TBCA: variants seen among roughly 807,000 people sequenced by gnomAD.
TBCA encodes the protein tubulin-specific chaperone A.
A neutral mutation model predicts 15.8 loss-of-function variants in TBCA; 6 were observed. That is an observed-to-expected ratio of 0.38 (90% CI 0.21 to 0.75). TBCA has a LOEUF of 0.75. TBCA is among the 30% of genes least tolerant of loss of function. The pLI is 0.46. For missense variants in TBCA, 90 were observed against 131.2 expected (o/e 0.69, Z 1.53); for synonymous variants, 32 against 42.3 (o/e 0.76, Z 0.94).
intron 2 of TBCA, among the ~76,000 whole-genome samples, chr5:77,701,602 T>C (rs1746015351): frequency 6.7e-6 from 1 of 149,666 alleles, no homozygotes; most frequent in African/African-American, 2.5e-5. Context: ...CACACATTTA[T>C]AGCAGCACAA....
chr5:77,726,211 AAAG>A (rs1281561044), intron 1 of TBCA, among the ~76,000 whole-genome samples: 2 of 152,234 alleles, frequency 1.3e-5, no homozygotes, highest in Non-Finnish European at 2.9e-5. Context: ...TTTAACTTCC[AAAG>A]AAGAGAAAGG....
At chr5:77,748,933 G>A (rs1489551517) in intron 1 of TBCA, among the ~76,000 whole-genome samples, 1 of 152,142 alleles carries the variant, frequency 6.6e-6, no homozygotes, top group Non-Finnish European at 1.5e-5. Context: ...AACACCTTAA[G>A]TTTATGTTGC....
At chr5:77,717,036 C>G (rs1406331834) in intron 1 of TBCA, among the ~76,000 whole-genome samples, 1 of 152,178 alleles carries the variant, frequency 6.6e-6, no homozygotes, top group Non-Finnish European at 1.5e-5. Context: ...GACATTGTCA[C>G]CTGTGTGTGA....
intron 1 of TBCA, among the ~76,000 whole-genome samples, chr5:77,720,476 G>A (rs1443738013): frequency 6.6e-6 from 1 of 152,182 alleles, no homozygotes; most frequent in Non-Finnish European, 1.5e-5. Context: ...CACTTTGGGA[G>A]GCCGAGGTGG....
intron 1 of TBCA, among the ~76,000 whole-genome samples, chr5:77,730,471 T>G (rs1007386165): frequency 9.2e-5 from 7 of 75,882 alleles, no homozygotes; most frequent in African/African-American, 2.2e-4. Flanking sequence ...AATGTGAAAA[T>G]AAATTTTAGT....
chr5:77,767,911 G>C (rs1026330981), intron 1 of TBCA, among the ~76,000 whole-genome samples: 10 of 152,202 alleles, frequency 6.6e-5, no homozygotes, highest in African/African-American at 2.2e-4. Context: ...ACAGTATTAA[G>C]AGATGGGGCC....
At chr5:77,758,120 T>C (rs1747519435) in intron 1 of TBCA, among the ~76,000 whole-genome samples, 1 of 152,194 alleles carries the variant, frequency 6.6e-6, no homozygotes, top group Admixed American at 6.5e-5. Context: ...GTGTGGCGTT[T>C]GACCTTTTGA....
intron 1 of TBCA, among the ~76,000 whole-genome samples, chr5:77,747,430 A>G (rs1747212939): frequency 6.6e-6 from 1 of 152,252 alleles, no homozygotes; most frequent in Admixed American, 6.5e-5. Flanking sequence ...TAGAATCTAA[A>G]CTTTTAGAGC....
intron 2 of TBCA, among the ~76,000 whole-genome samples, chr5:77,695,914 T>G (rs1433966558): frequency 6.6e-6 from 1 of 152,136 alleles, no homozygotes; most frequent in Non-Finnish European, 1.5e-5. Flanking sequence ...GGGTACTTAT[T>G]TGGTAAAATG....
rs371748832 is a variant in TBCA, at chr5:77,693,250, A to T, written c.246+16T>A. 11 of 1,613,256 alleles carry T rather than the reference A, an allele frequency of 6.8e-6. No homozygotes were observed. Among genetic ancestry groups the T allele is most frequent in the Non-Finnish European group, 8.5e-6 (10 of 1,179,762 alleles). ...GAAAAAAAAAATTTAAACATGACACAGAAGTCTTTGCTTACTAGTATCCGT... is the reference window on the plus strand; with the variant it reads ...GAAAAAAAAAATTTAAACATGACACTGAAGTCTTTGCTTACTAGTATCCGT... On this transcript the variant is annotated intron_variant, in intron 3 of 3. Transcript: ENST00000380377.
chr5:77,711,494 G>T (rs1054318642), intron 1 of TBCA, among the ~76,000 whole-genome samples: 9 of 152,192 alleles, frequency 5.9e-5, no homozygotes, highest in Non-Finnish European at 1.3e-4. Context: ...TTGTTTAATT[G>T]ATCTTCCTAC....
intron 2 of TBCA, 81 bp downstream of exon 2, chr5:77,708,161 C>A: frequency 1.1e-6 from 1 of 879,116 alleles, no homozygotes; most frequent in Non-Finnish European, 1.8e-6. Flanking sequence ...TAATCTCAGT[C>A]AGAGGACTAC....
At chr5:77,714,481 A>G (rs983319138) in intron 1 of TBCA, among the ~76,000 whole-genome samples, 2 of 152,204 alleles carry the variant, frequency 1.3e-5, no homozygotes, top group African/African-American at 4.8e-5. Flanking sequence ...AAGTTTTGAG[A>G]GAAAATGATT....
At chr5:77,758,911 GCTGT>G (rs1394270593) in intron 1 of TBCA, among the ~76,000 whole-genome samples, 2 of 152,152 alleles carry the variant, frequency 1.3e-5, no homozygotes, top group Non-Finnish European at 2.9e-5. Flanking sequence ...GCTGCTCCCT[GCTGT>G]CTGTGATCAA....
chr5:77,747,309 G>A (rs550682390), intron 1 of TBCA, among the ~76,000 whole-genome samples: 2 of 152,020 alleles, frequency 1.3e-5, no homozygotes, highest in South Asian at 4.2e-4. Flanking sequence ...CATTGTCAGT[G>A]AAAAATACTA....
At chr5:77,750,889 G>A (rs1362126633) in intron 1 of TBCA, among the ~76,000 whole-genome samples, 1 of 152,108 alleles carries the variant, frequency 6.6e-6, no homozygotes, top group Non-Finnish European at 1.5e-5. Flanking sequence ...AAGGCAAGGT[G>A]CTTCCAGGTC....
chr5:77,715,476 T>C (rs1039901188), intron 1 of TBCA, among the ~76,000 whole-genome samples: 4 of 152,144 alleles, frequency 2.6e-5, no homozygotes, highest in Admixed American at 1.3e-4. Flanking sequence ...GTAGAAGATA[T>C]TAATGATATA....
At chr5:77,718,828 T>G (rs1746465236) in intron 1 of TBCA, among the ~76,000 whole-genome samples, 1 of 152,144 alleles carries the variant, frequency 6.6e-6, no homozygotes, top group Non-Finnish European at 1.5e-5. Context: ...GAATGTCTCC[T>G]CTCCTCATCC....
intron 1 of TBCA, among the ~76,000 whole-genome samples, chr5:77,734,668 C>CTATA (rs2112472657): frequency 6.6e-6 from 1 of 152,252 alleles, no homozygotes; most frequent in South Asian, 2.1e-4. Context: ...AATCATAATA[C>CTATA]TATACGTAAA....
Sources: allele counts gnomAD v4.1 joint callset (sites outside exome capture counted in the v4.1 genomes callset), GRCh38; gene constraint gnomAD v4.1.1; transcripts MANE v1.5; gene names NCBI Gene and HGNC (gene_info 2026-07-23, HGNC 2026-07-21).